Variants in NWD2 observed in about 807,000 individuals in gnomAD.
NWD2 encodes NACHT and WD repeat domain-containing protein 2.
A neutral mutation model predicts 132.7 loss-of-function variants in NWD2; 37 were observed. The observed-to-expected ratio is 0.28, with a 90% CI of 0.21 to 0.37. The LOEUF (loss-of-function observed/expected upper bound fraction) is 0.37. NWD2 is among the 10% of genes least tolerant of loss of function. The probability of loss-of-function intolerance (pLI) is 1.00; values close to 1 mark genes in which losing one functional copy is unlikely to be tolerated. For synonymous variants in NWD2, 705 were observed against 803.0 expected (o/e 0.88, Z 2.06); for missense variants, 1,592 against 2,122.4 (o/e 0.75, Z 4.91).
At chr4:37,245,543 C>A (rs564555055) in intron 1 of NWD2, among the ~76,000 whole-genome samples, 1 of 139,976 alleles carries the variant, frequency 7.1e-6, no homozygotes, top group Non-Finnish European at 1.6e-5. Context: ...CCTCCTGTCC[C>A]CCGCCCTTTT....
intron 1 of NWD2, among the ~76,000 whole-genome samples, chr4:37,316,565 T>G (rs1369984498): frequency 6.6e-6 from 1 of 152,166 alleles, no homozygotes; most frequent in East Asian, 1.9e-4. Flanking sequence ...TAAATTTTCT[T>G]CCTTTCCCTT....
intron 1 of NWD2, among the ~76,000 whole-genome samples, chr4:37,260,957 G>C (rs558220140): frequency 6.6e-6 from 1 of 152,310 alleles, no homozygotes; most frequent in Admixed American, 6.5e-5. Context: ...CAGTGGGTTT[G>C]AGACCTTGCT....
At chr4:37,411,969 T>C (rs1721168327) in intron 3 of NWD2, among the ~76,000 whole-genome samples, 2 of 152,156 alleles carry the variant, frequency 1.3e-5, no homozygotes, top group African/African-American at 4.8e-5. Context: ...AAACTAGGTA[T>C]CAATGAAATG....
chr4:37,443,817 C>T lies in NWD2; in HGVS notation c.1829C>T (p.Pro610Leu). 5.8e-6 allele frequency: 9 copies of T among 1,552,092 alleles called. No homozygotes were observed. Among genetic ancestry groups the T allele is most frequent in the Non-Finnish European group, 7.8e-6 (9 of 1,147,102 alleles). Residue 610 changes from proline (P) to leucine (L), a missense_variant, in exon 7 of 7, where the codon CCA becomes CTA. By Grantham distance (98) the Pro-to-Leu change is moderately conservative. Around this residue, in one of 7 missense-constraint regions of NWD2, gnomAD observed 1,071 missense variants for 1,398.0 expected, o/e 0.77. Transcript: ENST00000309447. The surrounding 1 kb of genome is among the most constrained non-coding windows in gnomAD (Gnocchi z 4.1). ...VNNALSKCTL[P>L]MFVNLTFREV... ...AATGCATTATCCAAGTGCACACTGC[C>T]AATGTTTGTGAACCTGACCTTCAGG...
intron 1 of NWD2, among the ~76,000 whole-genome samples, chr4:37,284,835 T>A (rs1384474876): frequency 6.6e-6 from 1 of 152,162 alleles, no homozygotes; most frequent in African/African-American, 2.4e-5. Flanking sequence ...CTTGTGTCCC[T>A]TCAATGGCTA....
At chr4:37,352,459 G>A (rs537899145) in intron 2 of NWD2, among the ~76,000 whole-genome samples, 1 of 152,070 alleles carries the variant, frequency 6.6e-6, no homozygotes. Context: ...ATTGACAGAG[G>A]GGTGTTGAAG....
Position 37,447,442 on chromosome 4 carries a change from G to C in NWD2, c.*225G>C. The C allele has an allele frequency of 1.8e-6, 1 of 545,292 alleles. No homozygotes were observed. The highest frequency in any genetic ancestry group is 3.3e-6 in the Non-Finnish European group (1 of 306,070). 33.8% of individuals were successfully genotyped at this position (545,292 alleles called of 1,614,324 possible). On this transcript the variant is annotated 3_prime_UTR_variant, in exon 7 of 7. Coordinates refer to ENST00000309447, the MANE Select transcript of NWD2 (RefSeq NM_001144990.2). ...AATTTCTAGTAGTAATATTTAAATG[G>C]TTACTTCATCTGAAAGGCAGAGGCT...
chr4:37,416,514 A>G (rs1282797610), intron 3 of NWD2, among the ~76,000 whole-genome samples: 4 of 152,176 alleles, frequency 2.6e-5, no homozygotes, highest in African/African-American at 9.6e-5. Flanking sequence ...GGGAATGTAA[A>G]CTTGTACAAC....
rs999343069 is a variant in NWD2 at position 37,405,251 on chromosome 4, G to A, written c.358-25321G>A. The stretch of plus-strand genomic sequence containing the variant: ...GATCAGGGGCACTTGCCTGCAGGGA[G>A]ACAAATTATAAGAATGAAGCAATCT... On this transcript the variant is annotated intron_variant, in intron 3 of 6. Transcript: ENST00000309447. 5.3e-5 allele frequency among the ~76,000 whole-genome samples: 8 copies of A among 152,148 alleles called. 1 individual carries two copies. The highest frequency in any genetic ancestry group is 2.0e-4 in the Admixed American group (3 of 15,282).
intron 3 of NWD2, among the ~76,000 whole-genome samples, chr4:37,370,437 C>A (rs1305686681): frequency 2.6e-5 from 4 of 152,162 alleles, no homozygotes; most frequent in Non-Finnish European, 5.9e-5. Flanking sequence ...GCTGTACATT[C>A]CCTTAAGAGT....
chr4:37,352,178 G>A (rs1719781710), intron 2 of NWD2, among the ~76,000 whole-genome samples: 1 of 152,188 alleles, frequency 6.6e-6, no homozygotes, highest in Admixed American at 6.5e-5. Flanking sequence ...GGAGAGTTCT[G>A]TAGGTGTCTA....
intron 3 of NWD2, among the ~76,000 whole-genome samples, chr4:37,391,768 C>T (rs1034643589): frequency 6.6e-6 from 1 of 152,168 alleles, no homozygotes. Flanking sequence ...GCTGGGTGAC[C>T]CCATCGGCCC....
intron 3 of NWD2, among the ~76,000 whole-genome samples, chr4:37,369,068 AG>A (rs1284251975): frequency 6.6e-6 from 1 of 152,164 alleles, no homozygotes; most frequent in Non-Finnish European, 1.5e-5. Context: ...GATGAGTCTA[AG>A]TCACCTTAGT....
At chr4:37,319,948 G>T (rs1719035355) in intron 1 of NWD2, among the ~76,000 whole-genome samples, 1 of 151,918 alleles carries the variant, frequency 6.6e-6, no homozygotes, top group Admixed American at 6.6e-5. Context: ...GGATTGCTTT[G>T]GCCATTCAGT....
intron 1 of NWD2, among the ~76,000 whole-genome samples, chr4:37,257,521 C>T (rs966640678): frequency 7.2e-5 from 11 of 152,230 alleles, no homozygotes; most frequent in African/African-American, 2.2e-4. Flanking sequence ...TACACCTAGG[C>T]ATCTAAAACA....
At chr4:37,318,151 A>C (rs1450261208) in intron 1 of NWD2, among the ~76,000 whole-genome samples, 1 of 151,474 alleles carries the variant, frequency 6.6e-6, no homozygotes, top group Non-Finnish European at 1.5e-5. Flanking sequence ...TCAGCCTCCA[A>C]ATAGCTGGGA....
At chr4:37,369,885 G>A (rs1720180890) in intron 3 of NWD2, among the ~76,000 whole-genome samples, 1 of 152,152 alleles carries the variant, frequency 6.6e-6, no homozygotes, top group African/African-American at 2.4e-5. Context: ...TTGGAAATAT[G>A]CACAGATATG....
At chr4:37,293,823 A>G (rs1023525832) in intron 1 of NWD2, among the ~76,000 whole-genome samples, 1 of 151,784 alleles carries the variant, frequency 6.6e-6, no homozygotes, top group Non-Finnish European at 1.5e-5. Context: ...CCTACCAGCT[A>G]TTGCAAGCTA....
chr4:37,298,952 G>A (rs1297992845), intron 1 of NWD2, among the ~76,000 whole-genome samples: 1 of 152,086 alleles, frequency 6.6e-6, no homozygotes, highest in Non-Finnish European at 1.5e-5. Flanking sequence ...AATGGCTTGT[G>A]AACTAGTCAT....
Sources: allele counts gnomAD v4.1 joint callset (sites outside exome capture counted in the v4.1 genomes callset), GRCh38; gene constraint gnomAD v4.1.1; regional missense constraint gnomAD v4.1.1; non-coding constraint Gnocchi (gnomAD v3.1); transcripts MANE v1.5; gene names NCBI Gene and HGNC (gene_info 2026-07-23, HGNC 2026-07-21).